PGK1: variants seen among roughly 807,000 people sequenced by gnomAD.
The protein encoded by PGK1 is PRP 2.
A neutral mutation model predicts 26.9 loss-of-function variants in PGK1; 3 were observed. That is an observed-to-expected ratio of 0.11 (90% CI 0.05 to 0.29). The LOEUF (loss-of-function observed/expected upper bound fraction) is 0.29. PGK1 is among the 10% of genes least tolerant of loss of function. PGK1 has a pLI of 1.00. For missense variants in PGK1, 270 were observed against 314.7 expected (o/e 0.86, Z 1.07); for synonymous variants, 125 against 115.3 (o/e 1.08, Z -0.54).
chrX:78,107,126 TA>T (rs781905834), intron 1 of PGK1, among the ~76,000 whole-genome samples: 14 of 111,696 alleles, frequency 1.3e-4, no homozygotes, highest in Non-Finnish European at 2.4e-4. Flanking sequence ...TAAATCAGTA[TA>T]TTTTTTAATG....
rs782429511 is a variant in PGK1 at position 78,104,355 on chromosome X, C to G, written c.15C>G (p.Asn5Lys). 10 of 1,206,250 alleles carry G rather than the reference C, an allele frequency of 8.3e-6. No homozygotes were observed. The South Asian group carries it at 1.8e-4, about 21-fold the overall frequency. The change falls in exon 1 of 11, where the codon AAC becomes AAG. Residue 5 changes from asparagine to lysine, a missense_variant. Physicochemically the swap from Asn to Lys is moderately conservative, Grantham distance 94. Transcript: ENST00000373316. Reference protein sequence around the residue: MSLSNKLTLDKLDVK... With the variant: MSLSKKLTLDKLDVK... ...GTATTTCCAAAATGTCGCTTTCTAA[C>G]AAGCTGACGCTGGACAAGCTGGACG...
chrX:78,119,808 A>T (rs1285122880), intron 6 of PGK1, among the ~76,000 whole-genome samples: 1 of 112,126 alleles, frequency 8.9e-6, no homozygotes. Context: ...CTGTGAGTCA[A>T]TTTAACCTTT....
chrX:78,120,188 A>C (rs2078347059), intron 6 of PGK1, among the ~76,000 whole-genome samples: 1 of 111,651 alleles, frequency 9.0e-6, no homozygotes, highest in Non-Finnish European at 1.9e-5. Flanking sequence ...AACAAACTTT[A>C]TTGTAAGAAA....
intron 1 of PGK1, chrX:78,106,447 G>T (rs1557246216): frequency 1.3e-6 from 1 of 747,403 alleles, no homozygotes; most frequent in African/African-American, 2.3e-5. Flanking sequence ...TGAACAGAGA[G>T]TCACATTGTA....
At chrX:78,118,233 G>A in intron 6 of PGK1, 63 bp downstream of exon 6, 1 of 1,137,463 alleles carries the variant, frequency 8.8e-7, no homozygotes, top group African/African-American at 1.8e-5. Context: ...GCCATAACTT[G>A]GGTGGTTTAT....
intron 4 of PGK1, among the ~76,000 whole-genome samples, chrX:78,114,765 G>A (rs1341072242): frequency 3.6e-5 from 4 of 112,030 alleles, no homozygotes; most frequent in African/African-American, 1.3e-4. Flanking sequence ...GTCTCTGTTG[G>A]AACTACTCAC....
intron 1 of PGK1, 25 bp downstream of exon 1, chrX:78,104,430 GCT>G (rs782339791): frequency 9.2e-7 from 1 of 1,090,649 alleles, no homozygotes; most frequent in South Asian, 1.9e-5. Flanking sequence ...TTGCCCGCGT[GCT>G]CTCTGTGCTC....
intron 6 of PGK1, among the ~76,000 whole-genome samples, chrX:78,119,257 A>G (rs1026907936): frequency 6.2e-5 from 7 of 112,137 alleles, no homozygotes; most frequent in African/African-American, 2.3e-4. Flanking sequence ...TACCTATTTT[A>G]TCTTTTCTCC....
In PGK1 at chrX:78,126,296, CT is replaced by C. The variant is rs1212245532; in HGVS notation, c.*469del. Reference sequence around the variant, plus strand: ...TGATTTTTTTTTTTTTCCTGTCATACTTTGTTAGGAAGGGTGAGAATAGAAT... The same window carrying C: ...TGATTTTTTTTTTTTTCCTGTCATACTTGTTAGGAAGGGTGAGAATAGAAT... On this transcript the variant is annotated 3_prime_UTR_variant, in exon 11 of 11. Transcript: ENST00000373316. 7.5e-6 allele frequency: 1 copy of C among 134,088 alleles called. No individual in the cohort carries two copies. Among genetic ancestry groups the C allele is most frequent in the Non-Finnish European group, 1.5e-5 (1 of 67,374 alleles). 11.1% of individuals were successfully genotyped at this position (134,088 alleles called of 1,213,427 possible).
rs782101088 is a variant in PGK1 at position 78,122,818 on chromosome X, C to G, written c.642-17C>G. 1.0e-6 allele frequency: 1 copy of G among 979,689 alleles called. No homozygotes were observed. The highest frequency in any genetic ancestry group is 2.2e-5 in the Admixed American group (1 of 45,683). 80.7% of individuals were successfully genotyped at this position (979,689 alleles called of 1,213,427 possible). A position where few individuals can be genotyped will look rare whatever the true frequency, so the allele number is the denominator to read the frequency against. On this transcript the variant is annotated splice_polypyrimidine_tract_variant and intron_variant, in intron 6 of 10. Coordinates refer to ENST00000373316, the MANE Select transcript of PGK1 (RefSeq NM_000291.4). ...GTCCATTCTTCTTTAAGTGATGATT[C>G]TTGCTTTCTCTTGTAGAGCTAAAGT... is the stretch of plus-strand genomic sequence containing the variant.
Position 78,104,320 on chromosome X carries a change from C to G in PGK1, c.-21C>G, listed in dbSNP as rs373149332. On this transcript the variant is annotated 5_prime_UTR_variant, in exon 1 of 11. Transcript: ENST00000373316. ...CTCGTTGACCGAATCACCGACCTCT[C>G]TCCCCAGCTGTATTTCCAAAATGTC... 5.7e-5 allele frequency: 66 copies of G among 1,164,177 alleles called. No homozygotes were observed. The highest frequency in any genetic ancestry group is 7.3e-5 in the Non-Finnish European group (62 of 853,526).
intron 1 of PGK1, among the ~76,000 whole-genome samples, chrX:78,109,595 C>G (rs1193917745): frequency 9.1e-6 from 1 of 110,250 alleles, no homozygotes; most frequent in Non-Finnish European, 1.9e-5. Flanking sequence ...ATCACAAGTT[C>G]AAAGAATTAC....
chrX:78,120,418 A>G (rs868937917), intron 6 of PGK1, among the ~76,000 whole-genome samples: 4 of 108,645 alleles, frequency 3.7e-5, no homozygotes, highest in South Asian at 7.8e-4. Context: ...ATGTGTATAT[A>G]TGTGTGTGTG....
chrX:78,117,499 A>C (rs2078332484), intron 5 of PGK1, 84 bp downstream of exon 5: 1 of 634,447 alleles, frequency 1.6e-6, no homozygotes, highest in African/African-American at 2.2e-5. Flanking sequence ...GTTTTTGGAG[A>C]GTTTTGTATT....
Position 78,127,450 on chromosome X carries a change from T to C in PGK1, c.*1620T>C, listed in dbSNP as rs886656313. Reference sequence around the variant, plus strand: ...AGGTAAACATGATTTGAAAAAGCCATGTCTGACCAGAAATTCTGTGCTGGA... The same window carrying C: ...AGGTAAACATGATTTGAAAAAGCCACGTCTGACCAGAAATTCTGTGCTGGA... On this transcript the variant is annotated 3_prime_UTR_variant, in exon 11 of 11. Transcript: ENST00000373316. 7 of 112,120 alleles carry C rather than the reference T, an allele frequency of 6.2e-5. No individual in the cohort carries two copies. The highest frequency in any genetic ancestry group is 1.3e-4 in the Non-Finnish European group (7 of 53,281). 9.2% of individuals were successfully genotyped at this position (112,120 alleles called of 1,213,427 possible). A position where few individuals can be genotyped will look rare whatever the true frequency, so the allele number is the denominator to read the frequency against.
intron 1 of PGK1, among the ~76,000 whole-genome samples, chrX:78,107,346 T>A (rs1257642859): frequency 9.0e-6 from 1 of 111,281 alleles, no homozygotes; most frequent in Non-Finnish European, 1.9e-5. Flanking sequence ...GATACAGAAC[T>A]ATTAGATCAC....
Position 78,118,091 on chromosome X carries a change from T to G in PGK1, c.562T>G (p.Phe188Val), listed in dbSNP as rs782165573. Residue 188 changes from phenylalanine (F) to valine (V), a missense_variant, in exon 6 of 11, where the codon TTT (phenylalanine) becomes GTT (valine). Transcript: ENST00000373316. ...CAATCTGCCACAGAAGGCTGGTGGGTTTTTGATGAAGAAGGAGCTGAACTA... is the reference window on the plus strand; with the variant it reads ...CAATCTGCCACAGAAGGCTGGTGGGGTTTTGATGAAGAAGGAGCTGAACTA... ...GVNLPQKAGG[F>V]LMKKELNYFA... 1 of 1,203,686 alleles carries G rather than the reference T, an allele frequency of 8.3e-7. No homozygotes were observed. The highest frequency in any genetic ancestry group is 1.8e-5 in the South Asian group (1 of 56,608).
At chrX:78,124,247 G>A (rs1423129695) in intron 8 of PGK1, among the ~76,000 whole-genome samples, 3 of 111,601 alleles carry the variant, frequency 2.7e-5, no homozygotes, top group African/African-American at 9.8e-5. Flanking sequence ...GTTTCTCAAA[G>A]TATGTTCCTA....
chrX:78,106,521 A>ACGTGGTGGTTGCTGG, intron 1 of PGK1: 1 of 754,077 alleles, frequency 1.3e-6, no homozygotes, highest in Non-Finnish European at 1.6e-6. Flanking sequence ...TTTTGTTTCA[A>ACGTGGTGGTTGCTGG]CGTGGTGGTT....
Sources: gnomAD v4.1 joint callset for allele counts (sites outside exome capture counted in the v4.1 genomes callset) on GRCh38, gnomAD v4.1.1 for gene constraint, MANE v1.5 for transcripts, NCBI Gene and HGNC (gene_info 2026-07-23, HGNC 2026-07-21) for gene names.